MSRB3: variants seen among roughly 807,000 people sequenced by gnomAD.
MSRB3 encodes the protein methionine sulfoxide reductase B3.
MSRB3 carries 13 observed loss-of-function variants against 21.0 expected under a neutral mutation model. That is an observed-to-expected ratio of 0.62 (90% CI 0.40 to 0.98). The LOEUF is 0.98. Among genes scored for constraint, MSRB3 ranks in the 50% least tolerant of loss-of-function variants. The pLI, the probability that MSRB3 is intolerant of heterozygous loss-of-function variation, is 0.00. For synonymous variants in MSRB3, 87 were observed against 88.6 expected (o/e 0.98, Z 0.10); for missense variants, 199 against 230.3 (o/e 0.86, Z 0.88).
chr12:65,361,457 C>T (rs1390038368), intron 4 of MSRB3, among the ~76,000 whole-genome samples: 1 of 152,090 alleles, frequency 6.6e-6, no homozygotes, highest in East Asian at 1.9e-4. Context: ...ACGATGTGTA[C>T]CTCTGATGCC....
chr12:65,376,793 A>G (rs978141539), intron 5 of MSRB3, among the ~76,000 whole-genome samples: 1 of 152,188 alleles, frequency 6.6e-6, no homozygotes, highest in African/African-American at 2.4e-5. Context: ...ACAAACCTGC[A>G]TGTTCTGCAC....
Position 65,306,993 on chromosome 12 carries a change from C to T in MSRB3, c.-51-1536C>T, listed in dbSNP as rs141944735. ...GAATAGGAAGACGTTTTATGGTCAG[C>T]TGTGGAAGCACAGTGAGACTGCAGC... On this transcript the variant is annotated intron_variant, in intron 1 of 6. Coordinates refer to ENST00000308259, the MANE Select transcript of MSRB3 (RefSeq NM_001031679.3). The T allele has an allele frequency of 4.7e-5, 46 of 985,850 alleles. No individual in the cohort carries two copies. In the East Asian group the frequency reaches 2.7e-3, roughly 58 times the overall value. 61.1% of individuals were successfully genotyped at this position (985,850 alleles called of 1,614,324 possible).
intron 4 of MSRB3, among the ~76,000 whole-genome samples, chr12:65,350,267 A>C (rs1299294831): frequency 6.6e-6 from 1 of 151,676 alleles, no homozygotes; most frequent in Non-Finnish European, 1.5e-5. Context: ...CCATTGATCT[A>C]TATCTCTGTT....
At chr12:65,404,451 G>A (rs1031375069) in intron 5 of MSRB3, among the ~76,000 whole-genome samples, 1 of 152,106 alleles carries the variant, frequency 6.6e-6, no homozygotes, top group African/African-American at 2.4e-5. Flanking sequence ...TGATTTACTT[G>A]TATTTACTAT....
chr12:65,456,258 A>G (rs992213667), intron 6 of MSRB3, among the ~76,000 whole-genome samples: 4 of 152,192 alleles, frequency 2.6e-5, no homozygotes, highest in African/African-American at 9.6e-5. Flanking sequence ...ACCCATTTTC[A>G]AACATTGAAT....
chr12:65,405,501 A>G (rs1376137457), intron 5 of MSRB3, among the ~76,000 whole-genome samples: 1 of 152,000 alleles, frequency 6.6e-6, no homozygotes, highest in African/African-American at 2.4e-5. Context: ...AGAGAACAAT[A>G]TAATTCCATT....
intron 5 of MSRB3, among the ~76,000 whole-genome samples, chr12:65,451,484 T>G (rs1308817352): frequency 1.3e-5 from 2 of 152,118 alleles, no homozygotes; most frequent in Non-Finnish European, 2.9e-5. Context: ...AAGTGGAACA[T>G]AAGAAGAGAG....
chr12:65,361,760 A>G (rs1006407836), intron 4 of MSRB3, among the ~76,000 whole-genome samples: 31 of 152,272 alleles, frequency 2.0e-4, no homozygotes, highest in African/African-American at 6.7e-4. Context: ...TAAAAGACGT[A>G]TAATACTATA....
intron 5 of MSRB3, among the ~76,000 whole-genome samples, chr12:65,427,785 G>C (rs1241964183): frequency 6.6e-6 from 1 of 152,242 alleles, no homozygotes; most frequent in African/African-American, 2.4e-5. Context: ...AGTTACAGTG[G>C]TTTTGGAGTC....
chr12:65,366,027 T>A (rs1245439980), intron 4 of MSRB3, among the ~76,000 whole-genome samples: 1 of 152,140 alleles, frequency 6.6e-6, no homozygotes, highest in African/African-American at 2.4e-5. Context: ...CCATTGCTCC[T>A]TCTATACCCA....
In MSRB3 at chr12:65,306,950, A is replaced by G. The variant is rs769682605; in HGVS notation, c.-51-1579A>G. 13 of 985,748 alleles carry G rather than the reference A, an allele frequency of 1.3e-5. No homozygotes were observed. In the Admixed American group the frequency reaches 2.5e-4, roughly 19 times the overall value. The allele number at this position is 985,748 out of a possible 1,614,324, so 61.1% of individuals were successfully genotyped here. A position where few individuals can be genotyped will look rare whatever the true frequency, so the allele number is the denominator to read the frequency against. On this transcript the variant is annotated intron_variant, in intron 1 of 6. Transcript: ENST00000308259. ...TTGGTAGGCGCCCAGGCTGCCTGGTACAGGAGTTGATGAAACAGAATAGGA... is the reference window on the plus strand; with the variant it reads ...TTGGTAGGCGCCCAGGCTGCCTGGTGCAGGAGTTGATGAAACAGAATAGGA...
At chr12:65,348,137 T>C (rs1159511925) in intron 4 of MSRB3, among the ~76,000 whole-genome samples, 1 of 152,202 alleles carries the variant, frequency 6.6e-6, no homozygotes, top group Non-Finnish European at 1.5e-5. Context: ...TTTCTGTTGA[T>C]TGGAATAGTT....
chr12:65,399,295 G>A (rs1323836614), intron 5 of MSRB3, among the ~76,000 whole-genome samples: 1 of 152,138 alleles, frequency 6.6e-6, no homozygotes, highest in Non-Finnish European at 1.5e-5. Flanking sequence ...GCAGTGGTTT[G>A]TAGTTCTCCT....
chr12:65,302,120 AG>A (rs1375864364), intron 1 of MSRB3, among the ~76,000 whole-genome samples: 2 of 152,072 alleles, frequency 1.3e-5, no homozygotes, highest in Non-Finnish European at 2.9e-5. Context: ...ATATCTAAAA[AG>A]TTTCTCAGCT....
Position 65,453,836 on chromosome 12 carries a change from C to G in MSRB3, c.390+11C>G. On this transcript the variant is annotated intron_variant, in intron 6 of 6. Transcript: ENST00000308259. ...ACAAGCTGCTCTCAGGTGAGTTCAT[C>G]CTTTCTGAAAACCCAATACATTGCT... 6.2e-7 allele frequency: 1 copy of G among 1,609,660 alleles called. No individual in the cohort carries two copies. The highest frequency in any genetic ancestry group is 1.1e-5 in the South Asian group (1 of 90,992).
chr12:65,344,986 C>T (rs573163581), intron 4 of MSRB3, among the ~76,000 whole-genome samples: 4 of 151,984 alleles, frequency 2.6e-5, no homozygotes, highest in South Asian at 2.1e-4. Context: ...TGAGTCCAGG[C>T]GAAGGTTAAG....
chr12:65,422,388 G>GTGTA (rs1491546273), intron 5 of MSRB3, among the ~76,000 whole-genome samples: 4 of 92,484 alleles, frequency 4.3e-5, no homozygotes, highest in African/African-American at 1.4e-4. Context: ...GGAGTACATA[G>GTGTA]TATATATATA....
intron 5 of MSRB3, among the ~76,000 whole-genome samples, chr12:65,429,296 A>C (rs914549829): frequency 6.6e-6 from 1 of 152,262 alleles, no homozygotes; most frequent in South Asian, 2.1e-4. Flanking sequence ...TTTCAGGGAA[A>C]GCCTACTGAG....
At chr12:65,441,134 A>G (rs1434045984) in intron 5 of MSRB3, among the ~76,000 whole-genome samples, 1 of 151,630 alleles carries the variant, frequency 6.6e-6, no homozygotes, top group African/African-American at 2.4e-5. Flanking sequence ...GAGATTCAAC[A>G]CTCTTCATGT....
Sources: allele counts gnomAD v4.1 joint callset (sites outside exome capture counted in the v4.1 genomes callset), GRCh38; gene constraint gnomAD v4.1.1; transcripts MANE v1.5; gene names NCBI Gene and HGNC (gene_info 2026-07-23, HGNC 2026-07-21).